PPP2CA: variants seen among roughly 807,000 people sequenced by gnomAD.
PPP2CA encodes serine/threonine-protein phosphatase 2A catalytic subunit alpha isoform.
PPP2CA carries 5 observed loss-of-function variants against 38.8 expected under a neutral mutation model. The observed-to-expected ratio is 0.13, with a 90% CI of 0.07 to 0.27. The LOEUF (loss-of-function observed/expected upper bound fraction) is 0.27. PPP2CA is among the 10% of genes least tolerant of loss of function. The probability of loss-of-function intolerance (pLI) is 1.00; values close to 1 mark genes in which losing one functional copy is unlikely to be tolerated. For synonymous variants in PPP2CA, 152 were observed against 134.0 expected (o/e 1.13, Z -0.93); for missense variants, 88 against 389.7 (o/e 0.23, Z 6.52).
chr5:134,220,467 A>AAAAAAAG (rs1762414678), intron 1 of PPP2CA, among the ~76,000 whole-genome samples: 2 of 150,164 alleles, frequency 1.3e-5, no homozygotes, highest in Non-Finnish European at 3.0e-5. Context: ...AAAAAAAAAA[A>AAAAAAAG]AAAAAAAAAA....
chr5:134,206,879 T>C (rs1762094701), intron 1 of PPP2CA, among the ~76,000 whole-genome samples: 1 of 152,230 alleles, frequency 6.6e-6, no homozygotes, highest in Non-Finnish European at 1.5e-5. Context: ...GTGAACAAGA[T>C]GGCTCATTCC....
intron 1 of PPP2CA, among the ~76,000 whole-genome samples, chr5:134,206,672 TG>T (rs1437009343): frequency 2.6e-5 from 4 of 152,190 alleles, no homozygotes; most frequent in Admixed American, 2.6e-4. Context: ...CAAACTTTTT[TG>T]TAGAGACGGG....
At chr5:134,198,732 A>G (rs918020532) in intron 6 of PPP2CA, among the ~76,000 whole-genome samples, 3 of 152,008 alleles carry the variant, frequency 2.0e-5, no homozygotes, top group African/African-American at 7.2e-5. Context: ...TGCTGGGCTA[A>G]TTTTTGTATT....
chr5:134,215,575 A>AAAAAATAAAAAT (rs150330825), intron 1 of PPP2CA, among the ~76,000 whole-genome samples: 25 of 149,372 alleles, frequency 1.7e-4, no homozygotes, highest in African/African-American at 6.2e-4. Context: ...ACTCCATCTC[A>AAAAAATAAAAAT]AAAAATAAAA....
chr5:134,201,003 T>C lies in PPP2CA; in HGVS notation c.558A>G (p.Leu186=), dbSNP rs1417213370. Residue 186 remains leucine (L), a synonymous_variant, in exon 4 of 7, where the codon CTA becomes CTG. Transcript: ENST00000481195. ...TLDHIRALDR[L]QEVPHEGPMC... is the part of the protein sequence containing the mutation. ...GTCATACCTCATGGGGAACTTCTTG[T>C]AGGCGATCAAGTGCTCTGATATGAT... The C allele has an allele frequency of 1.2e-6, 2 of 1,610,842 alleles. No homozygotes were observed. Among genetic ancestry groups the C allele is most frequent in the Admixed American group, 3.3e-5 (2 of 60,022 alleles).
chr5:134,214,715 G>C (rs1229359560), intron 1 of PPP2CA, among the ~76,000 whole-genome samples: 8 of 152,084 alleles, frequency 5.3e-5, no homozygotes, highest in Admixed American at 5.2e-4. Context: ...ATGTTCTGAA[G>C]TATTTGTATA....
intron 2 of PPP2CA, among the ~76,000 whole-genome samples, chr5:134,203,239 G>C (rs1469334552): frequency 6.6e-6 from 1 of 151,980 alleles, no homozygotes; most frequent in East Asian, 1.9e-4. Context: ...TAACTAACCT[G>C]ACAAAGATTT....
At chr5:134,205,875 G>C (rs1229976877) in intron 2 of PPP2CA, 47 bp downstream of exon 2, 5 of 1,512,762 alleles carry the variant, frequency 3.3e-6, no homozygotes, top group Admixed American at 1.7e-5. Context: ...CTTTCAAGAG[G>C]ACTGTCTTAC....
At chr5:134,220,527 G>A (rs376476539) in intron 1 of PPP2CA, among the ~76,000 whole-genome samples, 1 of 143,132 alleles carries the variant, frequency 7.0e-6, no homozygotes, top group African/African-American at 2.6e-5. Flanking sequence ...ATCCAATTCA[G>A]ATCTGCCTGT....
At chr5:134,198,939 T>C (rs1451593212) in intron 6 of PPP2CA, 147 bp downstream of exon 6, 1 of 638,318 alleles carries the variant, frequency 1.6e-6, no homozygotes, top group African/African-American at 1.8e-5. Flanking sequence ...ACCCCAACAC[T>C]CTAGGAGGCC....
At chr5:134,211,773 G>C (rs78098274) in intron 1 of PPP2CA, among the ~76,000 whole-genome samples, 13,351 of 151,732 alleles carry the variant, frequency 0.088, 664 homozygotes, top group Admixed American at 0.15. Flanking sequence ...ACTGCGCCCA[G>C]TGGAAGACAA....
chr5:134,208,691 T>C (rs1284684118), intron 1 of PPP2CA, among the ~76,000 whole-genome samples: 1 of 152,180 alleles, frequency 6.6e-6, no homozygotes, highest in Non-Finnish European at 1.5e-5. Flanking sequence ...GTATATTGAA[T>C]AGCTATCATT....
intron 1 of PPP2CA, among the ~76,000 whole-genome samples, chr5:134,206,927 C>T (rs1448725136): frequency 6.6e-6 from 1 of 152,170 alleles, no homozygotes; most frequent in Non-Finnish European, 1.5e-5. Context: ...AAACAAGTAA[C>T]CAAGCCAAAA....
chr5:134,221,433 A>T (rs1449975024), intron 1 of PPP2CA, among the ~76,000 whole-genome samples: 1 of 152,110 alleles, frequency 6.6e-6, no homozygotes, highest in Non-Finnish European at 1.5e-5. Context: ...GCATTTTATA[A>T]GTTGCAATAA....
Position 134,202,084 on chromosome 5 carries a change from A to G in PPP2CA, c.313-63T>C, listed in dbSNP as rs77189190. 3.1e-3 allele frequency: 4,643 copies of G among 1,477,382 alleles called. 126 individuals carry two copies. The African/African-American group carries it at 0.059, about 19-fold the overall frequency. 91.5% of individuals were successfully genotyped at this position (1,477,382 alleles called of 1,614,324 possible). ...TTTCAAAAACCAATGAAAATTCAAG[A>G]AACTTTCTATAGAAAAAAATGCAGT... On this transcript the variant is annotated intron_variant, in intron 2 of 6. Coordinates refer to ENST00000481195, the MANE Select transcript of PPP2CA (RefSeq NM_002715.4).
intron 1 of PPP2CA, among the ~76,000 whole-genome samples, chr5:134,217,149 G>A (rs937566927): frequency 2.0e-5 from 3 of 152,066 alleles, no homozygotes; most frequent in Admixed American, 6.5e-5. Context: ...GTGTGGTGGC[G>A]CATGCCTGTA....
intron 1 of PPP2CA, among the ~76,000 whole-genome samples, chr5:134,219,266 C>T (rs959396077): frequency 4.6e-5 from 7 of 152,146 alleles, no homozygotes; most frequent in Non-Finnish European, 8.8e-5. Context: ...TAAGGTAGTG[C>T]TTTTTAGACA....
At chr5:134,221,790 T>C (rs952775756) in intron 1 of PPP2CA, among the ~76,000 whole-genome samples, 7 of 151,810 alleles carry the variant, frequency 4.6e-5, no homozygotes, top group African/African-American at 1.5e-4. Context: ...GCCAACATGG[T>C]GAAATCCCAT....
chr5:134,221,026 G>T (rs1021001184), intron 1 of PPP2CA, among the ~76,000 whole-genome samples: 1 of 152,106 alleles, frequency 6.6e-6, no homozygotes, highest in African/African-American at 2.4e-5. Flanking sequence ...CAAACTAACT[G>T]CATTACAGCT....
Sources: gnomAD v4.1 joint callset for allele counts (sites outside exome capture counted in the v4.1 genomes callset) on GRCh38, gnomAD v4.1.1 for gene constraint, MANE v1.5 for transcripts, NCBI Gene and HGNC (gene_info 2026-07-23, HGNC 2026-07-21) for gene names.